PKP2: variants seen among roughly 807,000 people sequenced by gnomAD.
The protein encoded by PKP2 is plakophilin-2.
A neutral mutation model predicts 83.4 loss-of-function variants in PKP2; 73 were observed. That is an observed-to-expected ratio of 0.88 (90% confidence interval 0.72 to 1.06). The LOEUF (loss-of-function observed/expected upper bound fraction) is 1.06. Among genes scored for constraint, PKP2 ranks in the 50% least tolerant of loss-of-function variants. PKP2 has a pLI of 0.00. For missense variants in PKP2, 966 were observed against 1,065.4 expected (o/e 0.91, Z 1.30); for synonymous variants, 409 against 430.4 (o/e 0.95, Z 0.62).
At chr12:32,867,814 T>C (rs1008932767) in intron 4 of PKP2, among the ~76,000 whole-genome samples, 2 of 152,172 alleles carry the variant, frequency 1.3e-5, no homozygotes, top group African/African-American at 2.4e-5. Flanking sequence ...AGAGAATATA[T>C]AGGCTGGAGT....
At chr12:32,872,494 A>T (rs537642079) in intron 3 of PKP2, among the ~76,000 whole-genome samples, 1 of 152,242 alleles carries the variant, frequency 6.6e-6, no homozygotes, top group East Asian at 1.9e-4. Flanking sequence ...AGATCGTGCC[A>T]TTGCACTCCA....
At chr12:32,872,366 C>A (rs767497461) in intron 3 of PKP2, among the ~76,000 whole-genome samples, 1 of 152,058 alleles carries the variant, frequency 6.6e-6, no homozygotes, top group Non-Finnish European at 1.5e-5. Context: ...AACCCCGTCT[C>A]TACTAAAAAT....
intron 5 of PKP2, among the ~76,000 whole-genome samples, chr12:32,846,727 A>T (rs1241839579): frequency 2.1e-5 from 3 of 142,776 alleles, no homozygotes; most frequent in Non-Finnish European, 4.6e-5. Flanking sequence ...CCTGGGTAAC[A>T]AGAATGAAAC....
chr12:32,871,901 A>G (rs1488114662), intron 3 of PKP2, among the ~76,000 whole-genome samples: 2 of 152,158 alleles, frequency 1.3e-5, no homozygotes, highest in African/African-American at 2.4e-5. Context: ...CCCATCCCCT[A>G]GAACAGCTAG....
At chr12:32,855,836 A>C (rs1309220944) in intron 4 of PKP2, among the ~76,000 whole-genome samples, 1 of 151,712 alleles carries the variant, frequency 6.6e-6, no homozygotes, top group Admixed American at 6.6e-5. Context: ...AAACACAGGC[A>C]AAAAGGAAAT....
chr12:32,896,508 C>A lies in PKP2; in HGVS notation c.223+1G>T. 1 of 1,516,252 alleles carries A rather than the reference C, an allele frequency of 6.6e-7. No individual in the cohort carries two copies. The allele number at this position is 1,516,252 out of a possible 1,614,324, so 93.9% of individuals were successfully genotyped here. On this transcript the variant is annotated splice_donor_variant, in intron 1 of 12. Transcript: ENST00000340811. LOFTEE classifies it high-confidence loss of function. ...GCCGGGGAGCGGCGGGCTCCACTCA[C>A]CGTTGCCCACGGAGCTGCGGCCCTT...
chr12:32,841,237 T>C, intron 5 of PKP2, 32 bp from the exon 6 acceptor site: 2 of 1,585,998 alleles, frequency 1.3e-6, no homozygotes, highest in East Asian at 2.2e-5. Flanking sequence ...ATGAAAACAG[T>C]GCAGGGTGGG....
intron 4 of PKP2, among the ~76,000 whole-genome samples, chr12:32,858,474 C>T (rs144080652): frequency 5.9e-5 from 9 of 152,122 alleles, no homozygotes; most frequent in African/African-American, 1.4e-4. Context: ...ATTCTTCCTA[C>T]GGAACAAATA....
intron 7 of PKP2, among the ~76,000 whole-genome samples, 169 bp downstream of exon 7, chr12:32,823,876 C>T (rs960412101): frequency 3.3e-5 from 5 of 152,214 alleles, no homozygotes; most frequent in African/African-American, 1.2e-4. Context: ...GCTGGGATTA[C>T]AGGCGTGAGC....
chr12:32,859,004 G>T (rs945231633), intron 4 of PKP2, among the ~76,000 whole-genome samples: 18 of 152,116 alleles, frequency 1.2e-4, no homozygotes, highest in Admixed American at 3.9e-4. Flanking sequence ...TACTATCAAA[G>T]CTGGTAGGTT....
intron 10 of PKP2, 54 bp from the exon 11 acceptor site, chr12:32,796,352 C>T: frequency 1.4e-6 from 2 of 1,400,188 alleles, no homozygotes; most frequent in Non-Finnish European, 2.0e-6. Flanking sequence ...GTTTCTTAAT[C>T]CCAAGATCCC....
intron 5 of PKP2, among the ~76,000 whole-genome samples, chr12:32,845,238 T>C (rs1024927786): frequency 3.3e-5 from 5 of 152,202 alleles, no homozygotes; most frequent in Non-Finnish European, 1.5e-5. Context: ...GGAGCTTAGA[T>C]ATTACAACTC....
chr12:32,867,504 T>C (rs572212733), intron 4 of PKP2, among the ~76,000 whole-genome samples: 11 of 152,298 alleles, frequency 7.2e-5, no homozygotes, highest in African/African-American at 1.4e-4. Flanking sequence ...CTATGTCAGA[T>C]TGTACCTCAA....
intron 6 of PKP2, among the ~76,000 whole-genome samples, chr12:32,838,479 A>AT (rs1243827076): frequency 3.5e-5 from 4 of 114,814 alleles, no homozygotes; most frequent in African/African-American, 5.6e-5. Context: ...TGAATCGAAA[A>AT]TTAAAAAAAA....
At chr12:32,848,776 C>T (rs988527219) in intron 5 of PKP2, among the ~76,000 whole-genome samples, 18 of 151,994 alleles carry the variant, frequency 1.2e-4, no homozygotes, top group African/African-American at 3.9e-4. Flanking sequence ...CACTTGAACA[C>T]GTAACCCCAA....
chr12:32,891,175 A>G (rs1367374986), intron 1 of PKP2, among the ~76,000 whole-genome samples: 1 of 152,172 alleles, frequency 6.6e-6, no homozygotes, highest in African/African-American at 2.4e-5. Flanking sequence ...TAGGGTATTT[A>G]TCTTCATATA....
chr12:32,870,781 T>A (rs60353304), intron 3 of PKP2, among the ~76,000 whole-genome samples: 9,923 of 151,886 alleles, frequency 0.065, 1,081 homozygotes, highest in African/African-American at 0.22. Flanking sequence ...GCTTTTTTTT[T>A]AAAAAAAGAT....
chr12:32,885,633 C>T (rs192860326), intron 1 of PKP2, among the ~76,000 whole-genome samples: 3 of 151,592 alleles, frequency 2.0e-5, no homozygotes, highest in Admixed American at 6.6e-5. Flanking sequence ...CACTGCACTC[C>T]AGCCTGGGCA....
At chr12:32,876,918 T>C (rs961187114) in intron 3 of PKP2, among the ~76,000 whole-genome samples, 2 of 152,216 alleles carry the variant, frequency 1.3e-5, no homozygotes, top group Non-Finnish European at 2.9e-5. Context: ...TTTTACATCA[T>C]AAAAAATATT....
Sources: allele counts gnomAD v4.1 joint callset (sites outside exome capture counted in the v4.1 genomes callset), GRCh38; gene constraint gnomAD v4.1.1; transcripts MANE v1.5; gene names NCBI Gene and HGNC (gene_info 2026-07-23, HGNC 2026-07-21).